Variants in DNPH1 observed in about 807,000 individuals in gnomAD.
The protein encoded by DNPH1 is 5-hydroxymethyl-dUMP N-hydrolase.
DNPH1 carries 18 observed loss-of-function variants against 15.7 expected under a neutral mutation model. The observed-to-expected ratio is 1.15, with a 90% CI of 0.79 to 1.70. The LOEUF (loss-of-function observed/expected upper bound fraction) is 1.70. Among genes scored for constraint, DNPH1 ranks in the 40% most tolerant of loss-of-function variants. DNPH1 has a pLI of 0.00. For missense variants in DNPH1, 262 were observed against 255.2 expected, an observed-to-expected ratio of 1.03 and a Z score of -0.18; for synonymous variants, 114 against 107.9, an observed-to-expected ratio of 1.06 and a Z score of -0.35.
At position 43,226,603 on chromosome 6, in the gene DNPH1, G is replaced by C; in HGVS notation, c.197-208C>G. The stretch of plus-strand genomic sequence containing the variant: ...CAACCCTATGCAAGGTGGGACATGT[G>C]ATTAGGGCCGAATGAGGAACATCAG... On this transcript the variant is annotated intron_variant, in intron 1 of 3. Coordinates refer to ENST00000230431, the MANE Select transcript of DNPH1 (RefSeq NM_006443.3). The surrounding 1 kb of genome is among the most constrained non-coding windows in gnomAD (Gnocchi z 4.1). 1.8e-6 allele frequency: 1 copy of C among 563,852 alleles called. No individual in the cohort carries two copies. The highest frequency in any genetic ancestry group is 3.1e-6 in the Non-Finnish European group (1 of 318,774). The allele number at this position is 563,852 out of a possible 1,614,324, so 34.9% of individuals were successfully genotyped here.
chr6:43,229,174 G>C, intron 1 of DNPH1, 87 bp downstream of exon 1: 1 of 1,246,006 alleles, frequency 8.0e-7, no homozygotes, highest in Non-Finnish European at 1.0e-6. Context: ...CAGCTGCCGG[G>C]GGTCGGGGGG....
In DNPH1 at chr6:43,229,400, G is replaced by A; in HGVS notation, c.57C>T (p.Gly19=). 2.8e-6 allele frequency: 4 copies of A among 1,438,896 alleles called. No individual in the cohort carries two copies. Among genetic ancestry groups the A allele is most frequent in the East Asian group, 3.0e-5 (1 of 33,714 alleles). 89.1% of individuals were successfully genotyped at this position (1,438,896 alleles called of 1,614,324 possible). ...RSESWERGEP[G]RPALYFCGSI... ...TCCCGCAGAAGTACAGGGCCGGGCG[G>A]CCAGGCTCCCCGCGCTCCCAGCTCT... The change falls in exon 1 of 4, where the codon GGC becomes GGT. Residue 19 remains glycine, a synonymous_variant. Transcript: ENST00000230431.
Position 43,226,072 on chromosome 6 carries a change from T to G in DNPH1, c.337A>C (p.Lys113Gln), listed in dbSNP as rs1482540403. Reference protein sequence around the residue: ...YELGRAVAFNKRILCLFRPQS... With the variant: ...YELGRAVAFNQRILCLFRPQS... ...GGGCGGAACAGGCACAGGATCCGCT[T>G]GTTAAAGGCCACGGCCCGGCCCAGC... Residue 113 changes from lysine (K) to glutamine (Q), a missense_variant, in exon 3 of 4, where the codon AAG becomes CAG. Lys to Gln is a moderately conservative substitution (Grantham distance 53, BLOSUM62 1). Coordinates refer to ENST00000230431, the MANE Select transcript of DNPH1 (RefSeq NM_006443.3). This position sits in a 1 kb window ranked among gnomAD's most constrained non-coding sequence, Gnocchi z 4.1. 6.2e-7 allele frequency: 1 copy of G among 1,613,778 alleles called. No individual in the cohort carries two copies. Among genetic ancestry groups the G allele is most frequent in the East Asian group, 2.2e-5 (1 of 44,882 alleles).
chr6:43,227,453 C>G (rs1014590750), intron 1 of DNPH1, among the ~76,000 whole-genome samples: 1 of 151,896 alleles, frequency 6.6e-6, no homozygotes, highest in Non-Finnish European at 1.5e-5. Flanking sequence ...GGCTTTATCC[C>G]AGATGATCAG....
chr6:43,225,715 T>G lies in DNPH1; in HGVS notation c.*18A>C. The G allele has an allele frequency of 1.9e-6, 3 of 1,613,532 alleles. No individual in the cohort carries two copies. The highest frequency in any genetic ancestry group is 2.5e-6 in the Non-Finnish European group (3 of 1,179,932). On this transcript the variant is annotated 3_prime_UTR_variant, in exon 4 of 4. Coordinates refer to ENST00000230431, the MANE Select transcript of DNPH1 (RefSeq NM_006443.3). ...AGCAGTGTCTGAGAATAGAAGAATT[T>G]AAGAAAGTGAGATTAAGTCAAGTGG...
intron 1 of DNPH1, among the ~76,000 whole-genome samples, chr6:43,228,599 G>A (rs1776777069): frequency 6.6e-6 from 1 of 152,146 alleles, no homozygotes; most frequent in Non-Finnish European, 1.5e-5. Flanking sequence ...GCCGAGGCGG[G>A]CAGATCACCT....
intron 1 of DNPH1, among the ~76,000 whole-genome samples, chr6:43,228,513 T>G (rs374649757): frequency 1.1e-4 from 17 of 149,678 alleles, no homozygotes; most frequent in African/African-American, 4.0e-4. Context: ...TCTAAAAGAG[T>G]GCTGATGTCT....
At chr6:43,228,173 G>A (rs1041221844) in intron 1 of DNPH1, among the ~76,000 whole-genome samples, 1 of 152,148 alleles carries the variant, frequency 6.6e-6, no homozygotes, top group Non-Finnish European at 1.5e-5. Flanking sequence ...AAGAGAATAT[G>A]AGGCCAGCAT....
chr6:43,229,259 A>T lies in DNPH1; in HGVS notation c.196+2T>A. 1 of 1,415,542 alleles carries T rather than the reference A, an allele frequency of 7.1e-7. No individual in the cohort carries two copies. The allele number at this position is 1,415,542 out of a possible 1,614,324, so 87.7% of individuals were successfully genotyped here. ...CCGCGTCCCGCGGCCCCAGGGCCTC[A>T]CCGCGCGCGCCCAGCTCGGCGGCCG... On this transcript the variant is annotated splice_donor_variant, in intron 1 of 3. Transcript: ENST00000230431. LOFTEE classifies it high-confidence loss of function.
chr6:43,227,712 T>C (rs1445224287), intron 1 of DNPH1, among the ~76,000 whole-genome samples: 1 of 151,934 alleles, frequency 6.6e-6, no homozygotes, highest in Admixed American at 6.6e-5. Flanking sequence ...CTTAAGGTTT[T>C]CTGAGCAGAA....
At chr6:43,227,530 A>G (rs985704926) in intron 1 of DNPH1, among the ~76,000 whole-genome samples, 7 of 152,118 alleles carry the variant, frequency 4.6e-5, no homozygotes, top group Admixed American at 3.3e-4. Flanking sequence ...GGCAGTCTGG[A>G]TATACCATGA....
At position 43,229,273 on chromosome 6, in the gene DNPH1, G is replaced by A; in HGVS notation, c.184C>T (p.Leu62=). 7.0e-7 allele frequency: 1 copy of A among 1,430,204 alleles called. No homozygotes were observed. The highest frequency in any genetic ancestry group is 9.2e-7 in the Non-Finnish European group (1 of 1,090,176). The allele number at this position is 1,430,204 out of a possible 1,614,324, so 88.6% of individuals were successfully genotyped here. A position where few individuals can be genotyped will look rare whatever the true frequency, so the allele number is the denominator to read the frequency against. ...CCCAGGGCCTCACCGCGCGCGCCCA[G>A]CTCGGCGGCCGCCACGTGCTCGGTG... The part of the protein sequence containing the change: ...VLTEHVAAAE[L]GARGEEAAGG... The change falls in exon 1 of 4, where the codon CTG becomes TTG. Residue 62 remains leucine, a synonymous_variant. Transcript: ENST00000230431.
chr6:43,228,360 T>G (rs1776773466), intron 1 of DNPH1, among the ~76,000 whole-genome samples: 1 of 151,770 alleles, frequency 6.6e-6, no homozygotes. Context: ...AGGCTGAGGC[T>G]GGAGGATCAT....
At chr6:43,225,909 G>A in intron 3 of DNPH1, 28 bp from the exon 4 acceptor site, 1 of 1,614,114 alleles carries the variant, frequency 6.2e-7, no homozygotes, top group Non-Finnish European at 8.5e-7. Flanking sequence ...AGGTGAAGCT[G>A]CCTCCCATCC....
At chr6:43,227,143 G>A (rs1484303100) in intron 1 of DNPH1, among the ~76,000 whole-genome samples, 6 of 151,438 alleles carry the variant, frequency 4.0e-5, no homozygotes, top group Non-Finnish European at 7.4e-5. Flanking sequence ...CGGGCCAGGC[G>A]CGGTGGCTCA....
In DNPH1 at chr6:43,225,787, G is replaced by A. The variant is rs761182124; in HGVS notation, c.471C>T (p.Tyr157=). The A allele has an allele frequency of 3.1e-6, 5 of 1,614,072 alleles. No homozygotes were observed. In the African/African-American group the frequency reaches 5.3e-5, roughly 17 times the overall value. ...EGEVEALLDR[Y]FEADPPGQVA... ...CCTGCCCTGGAGGATCAGCCTCGAA[G>A]TATCGATCCAGCAGGGCCTCCACCT... The change falls in exon 4 of 4, where the codon TAC becomes TAT. Residue 157 remains tyrosine (Y), a synonymous_variant. Transcript: ENST00000230431.
chr6:43,226,620 G>A lies in DNPH1; in HGVS notation c.197-225C>T. ...GGACATGTGATTAGGGCCGAATGAG[G>A]AACATCAGCAGCACTAACTGTGGAT... On this transcript the variant is annotated intron_variant, in intron 1 of 3. Transcript: ENST00000230431. The surrounding 1 kb of genome is among the most constrained non-coding windows in gnomAD (Gnocchi z 4.1). The A allele has an allele frequency of 1.8e-6, 1 of 543,148 alleles. No homozygotes were observed. Among genetic ancestry groups the A allele is most frequent in the East Asian group, 3.0e-5 (1 of 32,902 alleles). 33.6% of individuals were successfully genotyped at this position (543,148 alleles called of 1,614,324 possible). A position where few individuals can be genotyped will look rare whatever the true frequency, so the allele number is the denominator to read the frequency against.
chr6:43,228,554 G>C (rs975797465), intron 1 of DNPH1, among the ~76,000 whole-genome samples: 2 of 151,780 alleles, frequency 1.3e-5, no homozygotes, highest in African/African-American at 2.4e-5. Flanking sequence ...GGCCCTGGGC[G>C]GTGGCTCCTG....
At position 43,229,405 on chromosome 6, in the gene DNPH1, G is replaced by A; in HGVS notation, c.52C>T (p.Pro18Ser). 1.4e-6 allele frequency: 2 copies of A among 1,425,222 alleles called. No individual in the cohort carries two copies. The allele number at this position is 1,425,222 out of a possible 1,614,324, so 88.3% of individuals were successfully genotyped here. The part of the protein sequence containing the change: ...GRSESWERGE[P>S]GRPALYFCGS... ...CAGAAGTACAGGGCCGGGCGGCCAGGCTCCCCGCGCTCCCAGCTCTCGCTG... is the reference window on the plus strand; with the variant it reads ...CAGAAGTACAGGGCCGGGCGGCCAGACTCCCCGCGCTCCCAGCTCTCGCTG... Residue 18 changes from proline (P) to serine (S), a missense_variant, in exon 1 of 4, where the codon CCT becomes TCT. Transcript: ENST00000230431.
Sources: gnomAD v4.1 joint callset for allele counts (sites outside exome capture counted in the v4.1 genomes callset) on GRCh38, gnomAD v4.1.1 for gene constraint, Gnocchi (gnomAD v3.1) non-coding constraint, MANE v1.5 for transcripts, NCBI Gene and HGNC (gene_info 2026-07-23, HGNC 2026-07-21) for gene names.